The following SNX8 variants were observed in gnomAD, a reference collection of about 807,000 sequenced individuals.
SNX8 encodes sorting nexin-8.
Under a neutral mutation model 51.6 loss-of-function variants are expected in SNX8, and 25 were observed. That is an observed-to-expected ratio of 0.48 (90% CI 0.35 to 0.68). SNX8 has a LOEUF of 0.68. Among genes scored for constraint, SNX8 ranks in the 30% least tolerant of loss-of-function variants. The probability of loss-of-function intolerance (pLI) is 0.00; values close to 1 mark genes in which losing one functional copy is unlikely to be tolerated. For synonymous variants in SNX8, 324 were observed against 277.0 expected (o/e 1.17, Z -1.68); for missense variants, 695 against 624.0 (o/e 1.11, Z -1.21).
At chr7:2,261,702 G>T (rs1411617331) in intron 7 of SNX8, among the ~76,000 whole-genome samples, 1 of 152,202 alleles carries the variant, frequency 6.6e-6, no homozygotes, top group Non-Finnish European at 1.5e-5. Context: ...GAAACCAACA[G>T]TGCCCTCCCT....
chr7:2,313,735 G>A (rs765154501), intron 1 of SNX8, among the ~76,000 whole-genome samples: 1 of 152,114 alleles, frequency 6.6e-6, no homozygotes, highest in Non-Finnish European at 1.5e-5. Context: ...AACTGCACGC[G>A]CCCGTAGTCC....
intron 1 of SNX8, among the ~76,000 whole-genome samples, chr7:2,348,193 CT>C (rs1396975819): frequency 7.2e-5 from 11 of 152,116 alleles, no homozygotes; most frequent in Non-Finnish European, 1.6e-4. Context: ...TGAATCGTTT[CT>C]TCTGCCAACT....
chr7:2,255,231 G>T, intron 10 of SNX8, 62 bp from the exon 11 acceptor site: 1 of 1,087,138 alleles, frequency 9.2e-7, no homozygotes. Flanking sequence ...CTCACGCTCT[G>T]ATCCCAGTTC....
rs1408800295 is a variant in SNX8, at chr7:2,255,163, T to C, written c.1291A>G (p.Lys431Glu). ...TTGGGCCTCAGGTCGTTCCACACCTTGCTCATCTGAAAGGGAAGCGAAGAG... is the reference window on the plus strand; with the variant it reads ...TTGGGCCTCAGGTCGTTCCACACCTCGCTCATCTGAAAGGGAAGCGAAGAG... ...SQIQGHKEMSKVWNDLRPKLS... is the reference protein window; with the variant it reads ...SQIQGHKEMSEVWNDLRPKLS... The change falls in exon 11 of 11, where the codon AAG becomes GAG. Residue 431 changes from lysine to glutamate, a missense_variant. Transcript: ENST00000222990. 10 of 1,542,354 alleles carry C rather than the reference T, an allele frequency of 6.5e-6. No individual in the cohort carries two copies. Among genetic ancestry groups the C allele is most frequent in the Non-Finnish European group, 7.0e-6 (8 of 1,139,484 alleles).
intron 1 of SNX8, among the ~76,000 whole-genome samples, chr7:2,334,075 G>T (rs1163135249): frequency 6.6e-6 from 1 of 152,020 alleles, no homozygotes; most frequent in Non-Finnish European, 1.5e-5. Flanking sequence ...TTCCAGACCA[G>T]ATTGGGCAAC....
intron 1 of SNX8, among the ~76,000 whole-genome samples, chr7:2,288,806 T>C (rs1796088616): frequency 6.6e-6 from 1 of 152,140 alleles, no homozygotes; most frequent in Non-Finnish European, 1.5e-5. Flanking sequence ...CAGTCACAGC[T>C]CACTGTAGCC....
rs538170483 is a variant in SNX8 at position 2,289,498 on chromosome 7, T to G, written c.95-11193A>C. ...CCGTCTTCCCTCATTCCAGGAGGAC[T>G]GTGCCTCTTTTAACACAGTTGCGAT... On this transcript the variant is annotated intron_variant, in intron 1 of 10. Transcript: ENST00000222990. Among the ~76,000 whole-genome samples the G allele has an allele frequency of 1.3e-4, 20 of 152,364 alleles. No homozygotes were observed. In the South Asian group the frequency reaches 3.9e-3, roughly 30 times the overall value.
rs143220352 is a variant in SNX8 at position 2,295,465 on chromosome 7, G to A, written c.95-17160C>T. 1.8e-4 allele frequency among the ~76,000 whole-genome samples: 27 copies of A among 151,092 alleles called. 1 individual carries two copies. The East Asian group carries it at 5.2e-3, about 29-fold the overall frequency. On this transcript the variant is annotated intron_variant, in intron 1 of 10. Transcript: ENST00000222990. ...CACACCTGTAATCTCAGCACTTTGG[G>A]AGGCCAAGGCAGGTGGATCACCTGA... is the stretch of plus-strand genomic sequence containing the variant.
intron 1 of SNX8, among the ~76,000 whole-genome samples, chr7:2,332,957 A>G (rs1223297845): frequency 3.3e-5 from 5 of 152,106 alleles, no homozygotes; most frequent in African/African-American, 9.7e-5. Flanking sequence ...AATTCTTACT[A>G]TCTGATTTCA....
intron 5 of SNX8, among the ~76,000 whole-genome samples, chr7:2,267,545 C>T (rs1434159708): frequency 1.5e-5 from 2 of 133,822 alleles, no homozygotes; most frequent in African/African-American, 5.5e-5. Flanking sequence ...AGCCCCTAAC[C>T]GCGAGTGATC....
intron 9 of SNX8, 115 bp downstream of exon 9, chr7:2,257,248 GCT>G: frequency 1.5e-6 from 2 of 1,303,522 alleles, no homozygotes; most frequent in South Asian, 2.8e-5. Flanking sequence ...TGCACCCCCA[GCT>G]CTGTTCCAGA....
chr7:2,348,806 G>C (rs1287207750), intron 1 of SNX8, among the ~76,000 whole-genome samples: 1 of 151,492 alleles, frequency 6.6e-6, no homozygotes, highest in Non-Finnish European at 1.5e-5. Flanking sequence ...AAAAAAATTA[G>C]ACGGGCATAG....
At chr7:2,323,349 A>AAAC (rs1562457857) in intron 1 of SNX8, among the ~76,000 whole-genome samples, 2 of 145,556 alleles carry the variant, frequency 1.4e-5, no homozygotes, top group Admixed American at 7.1e-5. Context: ...AAAAAAAAAA[A>AAAC]CAACCAAACA....
At chr7:2,291,999 C>T (rs763529771) in intron 1 of SNX8, among the ~76,000 whole-genome samples, 6 of 152,190 alleles carry the variant, frequency 3.9e-5, no homozygotes, top group Non-Finnish European at 8.8e-5. Flanking sequence ...CGCACTGGCT[C>T]ATGCCTGTAA....
intron 1 of SNX8, among the ~76,000 whole-genome samples, chr7:2,306,058 T>C (rs972941930): frequency 6.6e-6 from 1 of 152,174 alleles, no homozygotes; most frequent in African/African-American, 2.4e-5. Flanking sequence ...TTCAGTCTTA[T>C]CCCTTATCAG....
intron 1 of SNX8, among the ~76,000 whole-genome samples, chr7:2,278,617 GGACT>G (rs1795839632): frequency 7.6e-6 from 1 of 131,172 alleles, no homozygotes; most frequent in Non-Finnish European, 1.8e-5. Context: ...AGTCGACGCC[GGACT>G]CACTCACACT....
intron 1 of SNX8, among the ~76,000 whole-genome samples, chr7:2,278,573 G>A (rs1377050652): frequency 2.6e-5 from 4 of 152,184 alleles, no homozygotes; most frequent in African/African-American, 4.8e-5. Flanking sequence ...AGGTCCCATC[G>A]TCAGCCAGCC....
At chr7:2,316,753 CCACT>C (rs1409924498), upstream of SNX8, among the ~76,000 whole-genome samples, 1 of 148,156 alleles carries the variant, frequency 6.7e-6, no homozygotes, top group African/African-American at 2.5e-5. Flanking sequence ...ATTCACCCAC[CCACT>C]CACTCACTGC....
intron 1 of SNX8, among the ~76,000 whole-genome samples, chr7:2,292,259 T>C (rs1449629843): frequency 6.6e-6 from 1 of 151,300 alleles, no homozygotes; most frequent in Non-Finnish European, 1.5e-5. Flanking sequence ...TGAGACTCCA[T>C]CTCAAAAAAA....
Sources: gnomAD v4.1 joint callset for allele counts (sites outside exome capture counted in the v4.1 genomes callset) on GRCh38, gnomAD v4.1.1 for gene constraint, MANE v1.5 for transcripts, NCBI Gene and HGNC (gene_info 2026-07-23, HGNC 2026-07-21) for gene names.